WIF1: variants seen among roughly 807,000 people sequenced by gnomAD.
The protein encoded by WIF1 is Wnt inhibitory factor 1.
WIF1 carries 35 observed loss-of-function variants against 53.5 expected under a neutral mutation model. That is an observed-to-expected ratio of 0.65 (90% CI 0.50 to 0.87). WIF1 has a LOEUF of 0.87. Among genes scored for constraint, WIF1 ranks in the 40% least tolerant of loss-of-function variants. WIF1 has a pLI of 0.00. For missense variants in WIF1, 467 were observed against 476.8 expected (o/e 0.98, Z 0.19); for synonymous variants, 171 against 170.4 (o/e 1.00, Z -0.03).
intron 6 of WIF1, among the ~76,000 whole-genome samples, chr12:65,064,172 G>A (rs947749968): frequency 9.2e-5 from 14 of 152,226 alleles, no homozygotes; most frequent in South Asian, 2.1e-4. Context: ...CCCATGCCCC[G>A]TGGGCACTGC....
intron 6 of WIF1, among the ~76,000 whole-genome samples, chr12:65,064,493 C>T (rs1169804352): frequency 1.3e-5 from 2 of 152,148 alleles, no homozygotes; most frequent in Non-Finnish European, 2.9e-5. Context: ...ATACATAGTG[C>T]TGATGTCTAT....
At position 65,091,784 on chromosome 12, in the gene WIF1, C is replaced by A. The variant is rs1883126615; in HGVS notation, c.289-13930G>T. Among the ~76,000 whole-genome samples the A allele has an allele frequency of 2.0e-5, 3 of 152,060 alleles. No individual in the cohort carries two copies. In the South Asian group the frequency reaches 6.2e-4, roughly 32 times the overall value. On this transcript the variant is annotated intron_variant, in intron 2 of 9. Transcript: ENST00000286574. ...CCAAATTGAGATACACACAGAAGAGCAAATCATTATATCTGGCTGATCTTT... is the reference window on the plus strand; with the variant it reads ...CCAAATTGAGATACACACAGAAGAGAAAATCATTATATCTGGCTGATCTTT...
At chr12:65,119,472 A>G (rs1027115003) in intron 2 of WIF1, among the ~76,000 whole-genome samples, 8 of 152,244 alleles carry the variant, frequency 5.3e-5, no homozygotes, top group African/African-American at 1.9e-4. Flanking sequence ...ATTAGAGGGA[A>G]ACAAAGTGGT....
intron 3 of WIF1, among the ~76,000 whole-genome samples, chr12:65,073,301 C>A (rs1882810939): frequency 6.6e-6 from 1 of 152,154 alleles, no homozygotes; most frequent in South Asian, 2.1e-4. Flanking sequence ...ACTGAGGTCA[C>A]CTATAAGAAG....
chr12:65,112,464 G>A (rs1471432147), intron 2 of WIF1, among the ~76,000 whole-genome samples: 1 of 124,786 alleles, frequency 8.0e-6, no homozygotes, highest in East Asian at 2.4e-4. Context: ...TCCTGGAGCT[G>A]AGACTAATCA....
chr12:65,100,242 T>C (rs1883262707), intron 2 of WIF1, among the ~76,000 whole-genome samples: 1 of 152,226 alleles, frequency 6.6e-6, no homozygotes, highest in Non-Finnish European at 1.5e-5. Context: ...GGGTCCCGTG[T>C]TCACAATTAT....
chr12:65,093,970 T>C (rs1292034497), intron 2 of WIF1, among the ~76,000 whole-genome samples: 1 of 152,186 alleles, frequency 6.6e-6, no homozygotes, highest in Non-Finnish European at 1.5e-5. Context: ...TTACATAAGT[T>C]AAAACCATGG....
chr12:65,066,865 G>T (rs1882694984), intron 5 of WIF1, 129 bp from the exon 6 acceptor site: 1 of 484,956 alleles, frequency 2.1e-6, no homozygotes, highest in Non-Finnish European at 3.5e-6. Flanking sequence ...TTACTCTTCA[G>T]AGATACAAGT....
chr12:65,097,449 A>G (rs1883223015), intron 2 of WIF1, among the ~76,000 whole-genome samples: 1 of 152,196 alleles, frequency 6.6e-6, no homozygotes, highest in African/African-American at 2.4e-5. Flanking sequence ...TAGATTTAAG[A>G]GTCACCCCCA....
At chr12:65,052,511 C>T (rs1029190984) in intron 9 of WIF1, among the ~76,000 whole-genome samples, 6 of 152,114 alleles carry the variant, frequency 3.9e-5, no homozygotes, top group Admixed American at 6.5e-5. Context: ...ATGCCTGGGT[C>T]CCTGGAACTC....
intron 7 of WIF1, among the ~76,000 whole-genome samples, chr12:65,059,956 C>T (rs371930391): frequency 7.3e-5 from 11 of 151,610 alleles, no homozygotes; most frequent in South Asian, 4.2e-4. Context: ...CCAGGTGAGA[C>T]GGCATCATTC....
At chr12:65,064,600 T>A (rs190254765) in intron 6 of WIF1, among the ~76,000 whole-genome samples, 101 of 152,198 alleles carry the variant, frequency 6.6e-4, no homozygotes, top group African/African-American at 2.0e-3. Flanking sequence ...TTTTTTTTTT[T>A]AATATTCCCA....
intron 2 of WIF1, among the ~76,000 whole-genome samples, chr12:65,100,222 T>A (rs1219036516): frequency 6.6e-6 from 1 of 152,222 alleles, no homozygotes; most frequent in East Asian, 1.9e-4. Context: ...TAATGTAGCA[T>A]CTATCTGATG....
chr12:65,105,800 C>T (rs1883343837), intron 2 of WIF1, among the ~76,000 whole-genome samples: 1 of 152,198 alleles, frequency 6.6e-6, no homozygotes, highest in Admixed American at 6.5e-5. Context: ...CCAACACCGC[C>T]ACACTGGCAA....
Position 65,121,242 on chromosome 12 carries a change from G to T in WIF1, c.-51C>A. 7.2e-7 allele frequency: 1 copy of T among 1,384,070 alleles called. No individual in the cohort carries two copies. The highest frequency in any genetic ancestry group is 9.4e-7 in the Non-Finnish European group (1 of 1,059,256). 85.7% of individuals were successfully genotyped at this position (1,384,070 alleles called of 1,614,324 possible). On this transcript the variant is annotated 5_prime_UTR_variant, in exon 1 of 10. Coordinates refer to ENST00000286574, the MANE Select transcript of WIF1 (RefSeq NM_007191.5). ...GGAAAACTCCTCGTGCCGCACCTAC[G>T]CAACCTGGCGCCGTCAGATACTCTG...
rs531960859 is a variant in WIF1, at chr12:65,080,883, T to A, written c.289-3029A>T. 7.9e-5 allele frequency among the ~76,000 whole-genome samples: 12 copies of A among 152,282 alleles called. 1 individual carries two copies. The South Asian group carries it at 2.3e-3, about 29-fold the overall frequency. On this transcript the variant is annotated intron_variant, in intron 2 of 9. Transcript: ENST00000286574. ...ATTATATCTTTGAGCTTTGTCACATTATAAATTAAATATACCTTTCTATGT... is the reference window on the plus strand; with the variant it reads ...ATTATATCTTTGAGCTTTGTCACATAATAAATTAAATATACCTTTCTATGT...
rs958479625 is a variant in WIF1, at chr12:65,067,437, C to T, written c.634+258G>A. On this transcript the variant is annotated intron_variant, in intron 5 of 9. Coordinates refer to ENST00000286574, the MANE Select transcript of WIF1 (RefSeq NM_007191.5). ...AGTGGTGATACTAGCTTTTTAAATC[C>T]AACTTAAGAGGAGGAAAAAAACCTC... 3.3e-5 allele frequency among the ~76,000 whole-genome samples: 5 copies of T among 152,088 alleles called. No homozygotes were observed. In the East Asian group the frequency reaches 7.7e-4, roughly 24 times the overall value.
intron 5 of WIF1, 39 bp downstream of exon 5, chr12:65,067,656 A>C (rs1360876116): frequency 6.3e-7 from 1 of 1,581,544 alleles, no homozygotes; most frequent in Admixed American, 1.7e-5. Flanking sequence ...ATCCATGTTC[A>C]TTAGGAAGGG....
intron 2 of WIF1, among the ~76,000 whole-genome samples, chr12:65,106,380 T>C (rs1565760020): frequency 8.8e-6 from 1 of 114,090 alleles, no homozygotes; most frequent in Non-Finnish European, 1.7e-5. Context: ...TATATTTTTT[T>C]TTATTTTTTT....
Sources: gnomAD v4.1 joint callset for allele counts (sites outside exome capture counted in the v4.1 genomes callset) on GRCh38, gnomAD v4.1.1 for gene constraint, MANE v1.5 for transcripts, NCBI Gene and HGNC (gene_info 2026-07-23, HGNC 2026-07-21) for gene names.